The following NPAS3 variants were observed in gnomAD, a reference collection of about 807,000 sequenced individuals.
NPAS3 encodes the protein neuronal PAS domain protein 3.
Under a neutral mutation model 73.1 loss-of-function variants are expected in NPAS3, and 14 were observed. That is an observed-to-expected ratio of 0.19 (90% confidence interval 0.13 to 0.30). The LOEUF (loss-of-function observed/expected upper bound fraction) is 0.30. NPAS3 is among the 10% of genes least tolerant of loss of function. The pLI is 1.00. For missense variants in NPAS3, 1,096 were observed against 1,250.0 expected (o/e 0.88, Z 1.86); for synonymous variants, 620 against 541.5 (o/e 1.14, Z -2.01).
intron 1 of NPAS3, among the ~76,000 whole-genome samples, chr14:32,984,845 A>C (rs2038036117): frequency 6.6e-6 from 1 of 152,068 alleles, no homozygotes; most frequent in Non-Finnish European, 1.5e-5. Context: ...CTTCTAAAAG[A>C]GTTTGTGGGG....
At chr14:33,492,442 T>G (rs780106481) in intron 4 of NPAS3, among the ~76,000 whole-genome samples, 24 of 152,186 alleles carry the variant, frequency 1.6e-4, no homozygotes, top group Non-Finnish European at 3.2e-4. Context: ...GAAGAGATTA[T>G]TCTTTGCATT....
At chr14:33,309,724 G>A (rs1438077056) in intron 3 of NPAS3, among the ~76,000 whole-genome samples, 1 of 152,148 alleles carries the variant, frequency 6.6e-6, no homozygotes, top group African/African-American at 2.4e-5. Context: ...CATGTTTATT[G>A]CTTAATTTTT....
At chr14:33,035,486 C>T (rs148145470) in intron 1 of NPAS3, among the ~76,000 whole-genome samples, 1 of 152,318 alleles carries the variant, frequency 6.6e-6, no homozygotes, top group East Asian at 1.9e-4. Flanking sequence ...CAGTCTTACA[C>T]ATCTTCAAAT....
chr14:33,053,116 C>A (rs1292249129), intron 1 of NPAS3, among the ~76,000 whole-genome samples: 1 of 152,164 alleles, frequency 6.6e-6, no homozygotes, highest in Admixed American at 6.5e-5. Flanking sequence ...TACATTTTAG[C>A]CAACTGTAGG....
intron 5 of NPAS3, among the ~76,000 whole-genome samples, chr14:33,662,794 G>A (rs1299322538): frequency 6.6e-6 from 1 of 150,434 alleles, no homozygotes; most frequent in Non-Finnish European, 1.5e-5. Flanking sequence ...TTTGCACACT[G>A]ATTTTGTATC....
At chr14:33,617,680 C>T (rs1021231114) in intron 5 of NPAS3, among the ~76,000 whole-genome samples, 2 of 152,276 alleles carry the variant, frequency 1.3e-5, no homozygotes, top group South Asian at 4.1e-4. Flanking sequence ...AATGAATGGG[C>T]AAAAGCTGTT....
intron 3 of NPAS3, among the ~76,000 whole-genome samples, chr14:33,243,229 G>A (rs2048266939): frequency 6.6e-6 from 1 of 152,098 alleles, no homozygotes; most frequent in African/African-American, 2.4e-5. Flanking sequence ...CTTTATAATG[G>A]AAGCAGAAAA....
intron 7 of NPAS3, among the ~76,000 whole-genome samples, chr14:33,741,264 G>A (rs1234041496): frequency 1.3e-5 from 2 of 152,124 alleles, no homozygotes; most frequent in African/African-American, 4.8e-5. Context: ...GATGACTACG[G>A]CATTCCAAGT....
intron 5 of NPAS3, among the ~76,000 whole-genome samples, chr14:33,564,925 T>A (rs539941649): frequency 1.3e-5 from 2 of 152,134 alleles, no homozygotes; most frequent in Non-Finnish European, 2.9e-5. Flanking sequence ...TCTCTTGAAA[T>A]GTGTTCTAAT....
intron 3 of NPAS3, among the ~76,000 whole-genome samples, chr14:33,256,287 A>G (rs577646924): frequency 4.2e-4 from 64 of 152,298 alleles, no homozygotes; most frequent in African/African-American, 1.5e-3. Context: ...ATAGAAATTG[A>G]TTTCATAAGT....
chr14:33,358,901 A>C, intron 3 of NPAS3, among the ~76,000 whole-genome samples: 1 of 152,238 alleles, frequency 6.6e-6, no homozygotes, highest in Non-Finnish European at 1.5e-5. Flanking sequence ...ATTTTGGATG[A>C]ATAAATGTAA....
At chr14:33,630,491 C>A (rs2058348673) in intron 5 of NPAS3, among the ~76,000 whole-genome samples, 1 of 152,028 alleles carries the variant, frequency 6.6e-6, no homozygotes, top group South Asian at 2.1e-4. Context: ...CAGCTATTAC[C>A]CAAGTAATGA....
At chr14:33,585,751 G>T (rs1422317163) in intron 5 of NPAS3, among the ~76,000 whole-genome samples, 1 of 152,104 alleles carries the variant, frequency 6.6e-6, no homozygotes, top group Non-Finnish European at 1.5e-5. Context: ...TTTCCGCTGA[G>T]AATCATGCTG....
At chr14:33,473,920 A>G (rs1262287613) in intron 4 of NPAS3, among the ~76,000 whole-genome samples, 1 of 152,198 alleles carries the variant, frequency 6.6e-6, no homozygotes, top group Non-Finnish European at 1.5e-5. Context: ...TCAAATATGT[A>G]CTACATGGCC....
intron 7 of NPAS3, among the ~76,000 whole-genome samples, chr14:33,735,603 G>A (rs965242602): frequency 1.3e-5 from 2 of 152,048 alleles, no homozygotes; most frequent in South Asian, 2.1e-4. Context: ...GCACCTGCTG[G>A]AAATTCACTT....
intron 6 of NPAS3, among the ~76,000 whole-genome samples, chr14:33,703,044 C>G (rs1350458874): frequency 1.3e-5 from 2 of 152,076 alleles, no homozygotes; most frequent in Non-Finnish European, 2.9e-5. Context: ...AAACTCCATC[C>G]TGAGTCAATA....
At chr14:33,265,653 G>A (rs1361982622) in intron 3 of NPAS3, among the ~76,000 whole-genome samples, 1 of 152,146 alleles carries the variant, frequency 6.6e-6, no homozygotes, top group Non-Finnish European at 1.5e-5. Context: ...GAAAAGTGAG[G>A]TGGAGAGATT....
chr14:33,475,032 A>G (rs1419232348), intron 4 of NPAS3, among the ~76,000 whole-genome samples: 1 of 152,150 alleles, frequency 6.6e-6, no homozygotes, highest in Non-Finnish European at 1.5e-5. Context: ...AAATGAACAC[A>G]GATTTGATTG....
chr14:33,181,044 T>C (rs1451745391), intron 2 of NPAS3, among the ~76,000 whole-genome samples: 1 of 152,168 alleles, frequency 6.6e-6, no homozygotes, highest in African/African-American at 2.4e-5. Flanking sequence ...TTATCTGATG[T>C]TACTGCTTCA....
Sources: gnomAD v4.1 joint callset for allele counts (sites outside exome capture counted in the v4.1 genomes callset) on GRCh38, gnomAD v4.1.1 for gene constraint, MANE v1.5 for transcripts, NCBI Gene and HGNC (gene_info 2026-07-23, HGNC 2026-07-21) for gene names.